PDGFC: variants seen among roughly 807,000 people sequenced by gnomAD.
PDGFC encodes platelet derived growth factor C, also known as platelet-derived growth factor C.
Under a neutral mutation model 35.5 loss-of-function variants are expected in PDGFC, and 12 were observed. That is an observed-to-expected ratio of 0.34 (90% CI 0.22 to 0.55). PDGFC has a LOEUF of 0.55. Ranked by LOEUF, PDGFC falls within the 20% of genes least tolerant of loss-of-function variation. PDGFC has a pLI of 0.91. For synonymous variants in PDGFC, 159 were observed against 148.8 expected, an observed-to-expected ratio of 1.07 and a Z score of -0.50; for missense variants, 322 against 412.4, an observed-to-expected ratio of 0.78 and a Z score of 1.90.
At chr4:156,857,803 G>C (rs1729618052) in intron 1 of PDGFC, among the ~76,000 whole-genome samples, 1 of 152,056 alleles carries the variant, frequency 6.6e-6, no homozygotes, top group African/African-American at 2.4e-5. Context: ...TTCGGGTATG[G>C]AAGTGAGATT....
intron 3 of PDGFC, among the ~76,000 whole-genome samples, chr4:156,807,629 A>G (rs1173875889): frequency 6.6e-6 from 1 of 151,964 alleles, no homozygotes; most frequent in Admixed American, 6.6e-5. Context: ...GTTTCTGAAA[A>G]TTTTAACTAA....
chr4:156,832,899 C>T (rs900895436), intron 2 of PDGFC, among the ~76,000 whole-genome samples: 3 of 152,160 alleles, frequency 2.0e-5, no homozygotes, highest in African/African-American at 7.2e-5. Flanking sequence ...TGGGGGACTA[C>T]TTATACTTTT....
intron 1 of PDGFC, among the ~76,000 whole-genome samples, chr4:156,916,927 T>G (rs1731167385): frequency 6.6e-6 from 1 of 152,164 alleles, no homozygotes. Flanking sequence ...AAACTGATAC[T>G]AAAGAAGGTA....
intron 2 of PDGFC, among the ~76,000 whole-genome samples, chr4:156,829,518 C>T (rs1728873945): frequency 6.6e-6 from 1 of 152,102 alleles, no homozygotes; most frequent in South Asian, 2.1e-4. Flanking sequence ...CTTTTTCTCA[C>T]TTTAAAATTT....
intron 1 of PDGFC, among the ~76,000 whole-genome samples, chr4:156,914,110 G>A (rs1731103752): frequency 1.3e-5 from 2 of 152,220 alleles, no homozygotes; most frequent in South Asian, 4.1e-4. Flanking sequence ...TTCCAAACAT[G>A]TTTTCCTCTG....
At chr4:156,860,373 C>T (rs1267276962) in intron 1 of PDGFC, among the ~76,000 whole-genome samples, 15 of 152,080 alleles carry the variant, frequency 9.9e-5, no homozygotes, top group African/African-American at 2.4e-5. Context: ...GCTGCATTCA[C>T]GACCTTCGAG....
intron 1 of PDGFC, among the ~76,000 whole-genome samples, chr4:156,869,161 CGG>C (rs1729916950): frequency 6.6e-6 from 1 of 152,014 alleles, no homozygotes; most frequent in South Asian, 2.1e-4. Context: ...CGGCCAGGTG[CGG>C]TGGCTCATGC....
intron 1 of PDGFC, among the ~76,000 whole-genome samples, chr4:156,912,235 A>G (rs1434606625): frequency 6.6e-6 from 1 of 152,196 alleles, no homozygotes; most frequent in East Asian, 1.9e-4. Flanking sequence ...AATTGAGAGC[A>G]GCTAGACACC....
chr4:156,828,854 A>G (rs1334747757), intron 2 of PDGFC, among the ~76,000 whole-genome samples: 1 of 152,166 alleles, frequency 6.6e-6, no homozygotes, highest in Non-Finnish European at 1.5e-5. Context: ...AAAATATCCA[A>G]AAAAATGCAG....
chr4:156,957,016 C>CTTTTTATG (rs1732228827), intron 1 of PDGFC, among the ~76,000 whole-genome samples: 4 of 151,944 alleles, frequency 2.6e-5, no homozygotes. Context: ...CTGAATCCCT[C>CTTTTTATG]GCTTGGTCAA....
chr4:156,902,935 T>G (rs1730824836), intron 1 of PDGFC, among the ~76,000 whole-genome samples: 1 of 152,206 alleles, frequency 6.6e-6, no homozygotes, highest in Non-Finnish European at 1.5e-5. Flanking sequence ...AATTATTTAT[T>G]GGATAAATAA....
intron 1 of PDGFC, among the ~76,000 whole-genome samples, chr4:156,903,589 TAAG>T (rs1454390890): frequency 6.6e-6 from 1 of 152,176 alleles, no homozygotes; most frequent in East Asian, 1.9e-4. Flanking sequence ...GAATAGATAC[TAAG>T]AATAAAAGAG....
intron 1 of PDGFC, among the ~76,000 whole-genome samples, chr4:156,915,118 A>C (rs1197004287): frequency 6.6e-6 from 1 of 152,174 alleles, no homozygotes; most frequent in Non-Finnish European, 1.5e-5. Context: ...TCAGATCCAA[A>C]CTGCAAAAGT....
intron 1 of PDGFC, among the ~76,000 whole-genome samples, chr4:156,963,185 C>T (rs1191495103): frequency 1.3e-5 from 2 of 151,950 alleles, no homozygotes; most frequent in Non-Finnish European, 1.5e-5. Flanking sequence ...GAAAAAAAGC[C>T]GGCTGGGCAC....
chr4:156,810,308 G>C (rs1174701813), intron 3 of PDGFC, among the ~76,000 whole-genome samples: 3 of 151,988 alleles, frequency 2.0e-5, no homozygotes, highest in South Asian at 4.1e-4. Flanking sequence ...GAATGGAGTA[G>C]AGTTTGGGAT....
Position 156,971,058 on chromosome 4 carries a change from C to T in PDGFC, c.-155G>A. Reference sequence around the variant, plus strand: ...ATCGCAGGGTAGTTTCCACATAATCCCATCCAAAACTTTTTCCTAGAGCCC... The same window carrying T: ...ATCGCAGGGTAGTTTCCACATAATCTCATCCAAAACTTTTTCCTAGAGCCC... On this transcript the variant is annotated 5_prime_UTR_variant, in exon 1 of 6. Coordinates refer to ENST00000502773, the MANE Select transcript of PDGFC (RefSeq NM_016205.3). The T allele has an allele frequency of 3.4e-6, 2 of 593,480 alleles. No homozygotes were observed. Among genetic ancestry groups the T allele is most frequent in the Non-Finnish European group, 6.0e-6 (2 of 332,174 alleles). The allele number at this position is 593,480 out of a possible 1,614,324, so 36.8% of individuals were successfully genotyped here.
At chr4:156,882,715 A>T (rs2111174228) in intron 1 of PDGFC, among the ~76,000 whole-genome samples, 1 of 152,294 alleles carries the variant, frequency 6.6e-6, no homozygotes, top group African/African-American at 2.4e-5. Context: ...TCTCTAAAAC[A>T]ATTTTAAGCA....
intron 2 of PDGFC, among the ~76,000 whole-genome samples, chr4:156,838,124 C>T (rs1414920536): frequency 1.3e-5 from 2 of 152,138 alleles, no homozygotes; most frequent in African/African-American, 4.8e-5. Flanking sequence ...ATTCTGTGTC[C>T]AGAAGTGCGC....
intron 1 of PDGFC, among the ~76,000 whole-genome samples, chr4:156,960,121 G>C (rs1256888063): frequency 2.6e-5 from 4 of 151,550 alleles, no homozygotes; most frequent in Non-Finnish European, 4.4e-5. Context: ...TCTCTCAGTA[G>C]CCTAGCCAGA....
Sources: gnomAD v4.1 joint callset for allele counts (sites outside exome capture counted in the v4.1 genomes callset) on GRCh38, gnomAD v4.1.1 for gene constraint, MANE v1.5 for transcripts, NCBI Gene and HGNC (gene_info 2026-07-23, HGNC 2026-07-21) for gene names.